The following HIP1 variants were observed in gnomAD, a reference collection of about 807,000 sequenced individuals.
HIP1 encodes huntingtin-interacting protein 1.
Under a neutral mutation model 147.6 loss-of-function variants are expected in HIP1, and 65 were observed. The observed-to-expected ratio is 0.44, with a 90% confidence interval of 0.36 to 0.54. HIP1 has a LOEUF of 0.54. Ranked by LOEUF, HIP1 falls within the 20% of genes least tolerant of loss-of-function variation. The pLI, the probability that HIP1 is intolerant of heterozygous loss-of-function variation, is 0.00. For synonymous variants in HIP1, 479 were observed against 504.0 expected (o/e 0.95, Z 0.67); for missense variants, 1,061 against 1,299.6 (o/e 0.82, Z 2.82).
intron 1 of HIP1, among the ~76,000 whole-genome samples, chr7:75,716,036 C>A (rs1057499506): frequency 6.6e-6 from 1 of 152,004 alleles, no homozygotes; most frequent in Non-Finnish European, 1.5e-5. Context: ...GGGGAGGGCA[C>A]CAAGCCATTC....
chr7:75,556,095 A>G lies in HIP1; in HGVS notation c.1758T>C (p.His586=), dbSNP rs143541649. The G allele has an allele frequency of 1.4e-4, 233 of 1,614,028 alleles. No individual in the cohort carries two copies. In the African/African-American group the frequency reaches 2.8e-3, roughly 19 times the overall value. The change falls in exon 18 of 31, where the codon CAT becomes CAC. Residue 586 remains histidine (H), a synonymous_variant. Transcript: ENST00000336926. ...ERDSLVSGAA[H]REEELSALRK... ...GAAGAGCAGATAATTCCTCCTCCCT[A>G]TGAGCTGCGCCACTCACCAGGCTGT... is the stretch of plus-strand genomic sequence containing the variant.
chr7:75,618,726 C>T (rs1797748329), intron 1 of HIP1, among the ~76,000 whole-genome samples: 1 of 152,214 alleles, frequency 6.6e-6, no homozygotes, highest in Non-Finnish European at 1.5e-5. Flanking sequence ...GGAACCATCC[C>T]TTATCCAGCT....
At chr7:75,699,953 C>T (rs782213926) in intron 1 of HIP1, among the ~76,000 whole-genome samples, 25 of 152,082 alleles carry the variant, frequency 1.6e-4, no homozygotes, top group South Asian at 4.1e-4. Context: ...CAGGCTCAAG[C>T]GATCCTCCTG....
At chr7:75,699,561 T>G (rs1368622672) in intron 1 of HIP1, among the ~76,000 whole-genome samples, 1 of 152,078 alleles carries the variant, frequency 6.6e-6, no homozygotes, top group Non-Finnish European at 1.5e-5. Flanking sequence ...TTCCAAGTTT[T>G]AAAGAACACG....
chr7:75,629,309 G>C (rs1303768810), intron 1 of HIP1, among the ~76,000 whole-genome samples: 2 of 152,054 alleles, frequency 1.3e-5, no homozygotes, highest in Non-Finnish European at 2.9e-5. Context: ...GGCTCTACTA[G>C]AGACTTGCTG....
intron 7 of HIP1, among the ~76,000 whole-genome samples, chr7:75,577,452 T>A (rs1795887222): frequency 6.6e-6 from 1 of 152,076 alleles, no homozygotes; most frequent in Admixed American, 6.6e-5. Flanking sequence ...CTAGGGTGAA[T>A]TACTTAGAGT....
rs782744930 is a variant in HIP1 at position 75,554,180 on chromosome 7, G to C, written c.2091C>G (p.His697Gln). The change falls in exon 21 of 31, where the codon CAC becomes CAG. Residue 697 changes from histidine to glutamine, a missense_variant. Transcript: ENST00000336926. ...CATGAGCAATGGCGTCGCTGGTCAA[G>C]TGGGCCAGCAGGGTTATGGAATGGA... ...GLLHSITLLA[H>Q]LTSDAIAHGA... 1 of 1,614,118 alleles carries C rather than the reference G, an allele frequency of 6.2e-7. No individual in the cohort carries two copies. The highest frequency in any genetic ancestry group is 1.1e-5 in the South Asian group (1 of 91,072).
intron 1 of HIP1, among the ~76,000 whole-genome samples, chr7:75,604,865 T>C (rs587697590): frequency 6.6e-6 from 1 of 152,226 alleles, no homozygotes; most frequent in South Asian, 2.1e-4. Flanking sequence ...CACGCAAAAA[T>C]CTTATAGTAA....
chr7:75,623,495 C>T (rs1029086097), intron 1 of HIP1, among the ~76,000 whole-genome samples: 2 of 152,196 alleles, frequency 1.3e-5, no homozygotes, highest in Non-Finnish European at 2.9e-5. Flanking sequence ...TCCCACAGTA[C>T]AGACACAGAC....
chr7:75,685,321 C>A (rs1800222069), intron 1 of HIP1, among the ~76,000 whole-genome samples: 2 of 152,096 alleles, frequency 1.3e-5, no homozygotes. Context: ...ATGGACAATT[C>A]CAACACCAGG....
chr7:75,537,899 C>G lies in HIP1; in HGVS notation c.*273G>C, dbSNP rs1794147786. On this transcript the variant is annotated 3_prime_UTR_variant, in exon 31 of 31. Transcript: ENST00000336926. ...TGAGTGGCCCTGCCCCCCACCACCC[C>G]TCTTCGTACCTAGGCTTGCTCATGG... 2.0e-6 allele frequency: 1 copy of G among 507,712 alleles called. No homozygotes were observed. Among genetic ancestry groups the G allele is most frequent in the Admixed American group, 3.4e-5 (1 of 29,264 alleles). The allele number at this position is 507,712 out of a possible 1,614,324, so 31.5% of individuals were successfully genotyped here.
At chr7:75,639,566 T>A (rs1798572832) in intron 1 of HIP1, among the ~76,000 whole-genome samples, 1 of 142,132 alleles carries the variant, frequency 7.0e-6, no homozygotes, top group South Asian at 2.2e-4. Context: ...AGGAAGCGTG[T>A]GTGTGTGTGT....
chr7:75,684,728 A>C (rs1292372399), intron 1 of HIP1, among the ~76,000 whole-genome samples: 1 of 152,164 alleles, frequency 6.6e-6, no homozygotes, highest in Non-Finnish European at 1.5e-5. Flanking sequence ...TCAGTGAATA[A>C]TCCTGATCAT....
chr7:75,675,529 G>C (rs782775636), intron 1 of HIP1, among the ~76,000 whole-genome samples: 11 of 151,848 alleles, frequency 7.2e-5, no homozygotes, highest in Non-Finnish European at 1.6e-4. Context: ...TTCAGTTTTT[G>C]TATTTTTCAA....
intron 1 of HIP1, among the ~76,000 whole-genome samples, chr7:75,723,354 A>G (rs1563313890): frequency 6.6e-6 from 1 of 152,216 alleles, no homozygotes; most frequent in Non-Finnish European, 1.5e-5. Flanking sequence ...CCTGGGCGAC[A>G]GAGCAAGACT....
At chr7:75,619,883 T>C (rs1428602102) in intron 1 of HIP1, among the ~76,000 whole-genome samples, 1 of 152,156 alleles carries the variant, frequency 6.6e-6, no homozygotes, top group Non-Finnish European at 1.5e-5. Context: ...GTATAGATGG[T>C]CACCTATTTT....
Position 75,561,439 on chromosome 7 carries a change from C to A in HIP1, c.1119-38G>T, listed in dbSNP as rs184758224. Reference sequence around the variant, plus strand: ...GGGGAATGAGTTTGCTTTCATAGTGCTTCTATCCCTCTGTTTTTAATTGTG... The same window carrying A: ...GGGGAATGAGTTTGCTTTCATAGTGATTCTATCCCTCTGTTTTTAATTGTG... On this transcript the variant is annotated intron_variant, in intron 12 of 30. Transcript: ENST00000336926. 9.9e-6 allele frequency: 13 copies of A among 1,311,506 alleles called. No individual in the cohort carries two copies. The Admixed American group carries it at 2.2e-4, about 22-fold the overall frequency. 81.2% of individuals were successfully genotyped at this position (1,311,506 alleles called of 1,614,324 possible). A position where few individuals can be genotyped will look rare whatever the true frequency, so the allele number is the denominator to read the frequency against.
intron 1 of HIP1, among the ~76,000 whole-genome samples, chr7:75,643,086 G>A (rs548222340): frequency 2.0e-5 from 3 of 152,300 alleles, no homozygotes; most frequent in East Asian, 1.9e-4. Flanking sequence ...CTGGTGAGTC[G>A]AGATTCTGCA....
chr7:75,592,383 C>A lies in HIP1; in HGVS notation c.316G>T (p.Gly106Ter). ...CHVFHKLLRDGHPNVLKDSLR... is the reference protein window; with the variant it reads ...CHVFHKLLRD ...CCCCAGGAACTCACGTTCGGGTGTC[C>A]ATCTCGGAGGAGTTTGTGGAACACA... Residue 106 changes from glycine to a stop codon, truncating the protein, a stop_gained, in exon 3 of 31, where the codon GGA (glycine) becomes TGA (stop). Coordinates refer to ENST00000336926, the MANE Select transcript of HIP1 (RefSeq NM_005338.7). LOFTEE classifies it high-confidence loss of function. The A allele has an allele frequency of 6.2e-7, 1 of 1,606,706 alleles. No homozygotes were observed. The highest frequency in any genetic ancestry group is 8.5e-7 in the Non-Finnish European group (1 of 1,177,714).
Sources: gnomAD v4.1 joint callset for allele counts (sites outside exome capture counted in the v4.1 genomes callset) on GRCh38, gnomAD v4.1.1 for gene constraint, MANE v1.5 for transcripts, NCBI Gene and HGNC (gene_info 2026-07-23, HGNC 2026-07-21) for gene names.